GRM5: variants seen among roughly 807,000 people sequenced by gnomAD.
GRM5 encodes metabotropic glutamate receptor 5.
In GRM5, 19 loss-of-function variants were observed where a neutral mutation model predicts 83.1. The observed-to-expected ratio is 0.23, with a 90% CI of 0.16 to 0.34. The LOEUF is 0.34. GRM5 is among the 10% of genes least tolerant of loss of function. The pLI, the probability that GRM5 is intolerant of heterozygous loss-of-function variation, is 1.00. For synonymous variants in GRM5, 675 were observed against 633.6 expected (o/e 1.07, Z -0.98); for missense variants, 1,160 against 1,588.3 (o/e 0.73, Z 4.58).
intron 3 of GRM5, among the ~76,000 whole-genome samples, chr11:88,700,073 A>G (rs1158624149): frequency 6.6e-6 from 1 of 152,156 alleles, no homozygotes; most frequent in Non-Finnish European, 1.5e-5. Flanking sequence ...AAGTGGCCCA[A>G]AGTGAATAAG....
At chr11:88,607,439 G>C (rs1413368738) in intron 4 of GRM5, among the ~76,000 whole-genome samples, 2 of 152,108 alleles carry the variant, frequency 1.3e-5, no homozygotes, top group Admixed American at 6.5e-5. Context: ...CTAGATTACA[G>C]CAATAGTCTT....
intron 2 of GRM5, among the ~76,000 whole-genome samples, chr11:88,884,694 A>G (rs780535588): frequency 3.3e-5 from 5 of 152,140 alleles, no homozygotes; most frequent in Non-Finnish European, 7.4e-5. Flanking sequence ...TAACTGAATG[A>G]TGAGGGTGGG....
chr11:88,563,837 A>C (rs1385624522), intron 8 of GRM5, among the ~76,000 whole-genome samples: 1 of 152,218 alleles, frequency 6.6e-6, no homozygotes, highest in African/African-American at 2.4e-5. Context: ...CATAAAAGTA[A>C]TTATCAAATG....
chr11:88,608,458 G>C (rs765994835), intron 4 of GRM5, among the ~76,000 whole-genome samples: 1 of 149,322 alleles, frequency 6.7e-6, no homozygotes, highest in Non-Finnish European at 1.5e-5. Flanking sequence ...TTATTATCTT[G>C]CTTATTGGCT....
At chr11:88,953,053 A>C (rs1386188741) in intron 2 of GRM5, among the ~76,000 whole-genome samples, 1 of 152,204 alleles carries the variant, frequency 6.6e-6, no homozygotes, top group Non-Finnish European at 1.5e-5. Context: ...TGAAGAAAGC[A>C]ATCATGTTTC....
intron 3 of GRM5, among the ~76,000 whole-genome samples, chr11:88,829,499 C>T (rs1364110088): frequency 1.3e-5 from 2 of 151,558 alleles, no homozygotes; most frequent in Non-Finnish European, 2.9e-5. Context: ...TATGCTGCTA[C>T]AAAAGAAAGA....
chr11:88,775,953 G>C (rs1942838573), intron 3 of GRM5, among the ~76,000 whole-genome samples: 1 of 152,154 alleles, frequency 6.6e-6, no homozygotes, highest in Non-Finnish European at 1.5e-5. Flanking sequence ...ATGTCTATTA[G>C]GTCTGCTTGT....
intron 3 of GRM5, among the ~76,000 whole-genome samples, chr11:88,743,748 G>A (rs982852258): frequency 5.9e-5 from 9 of 152,048 alleles, no homozygotes; most frequent in Admixed American, 3.9e-4. Context: ...ACATTGCATC[G>A]TATCAGAAAC....
intron 3 of GRM5, among the ~76,000 whole-genome samples, chr11:88,831,598 G>T (rs1192231600): frequency 6.6e-6 from 1 of 152,104 alleles, no homozygotes; most frequent in Non-Finnish European, 1.5e-5. Context: ...ATGTCACTTG[G>T]CATCTGGGAG....
chr11:88,827,892 T>A (rs532554541), intron 3 of GRM5, among the ~76,000 whole-genome samples: 1 of 152,294 alleles, frequency 6.6e-6, no homozygotes, highest in African/African-American at 2.4e-5. Flanking sequence ...TATAAGGCAA[T>A]ACATATTATT....
At chr11:88,716,580 A>T (rs1941404933) in intron 3 of GRM5, among the ~76,000 whole-genome samples, 1 of 151,926 alleles carries the variant, frequency 6.6e-6, no homozygotes, top group Non-Finnish European at 1.5e-5. Context: ...CAATGTTAAG[A>T]TACAAATATA....
intron 3 of GRM5, among the ~76,000 whole-genome samples, chr11:88,742,614 G>A (rs1942051873): frequency 6.6e-6 from 1 of 152,100 alleles, no homozygotes; most frequent in Non-Finnish European, 1.5e-5. Flanking sequence ...TTTCTGTGAA[G>A]AGCCTATGAG....
chr11:88,577,467 C>A (rs1369507261), intron 7 of GRM5, among the ~76,000 whole-genome samples: 1 of 152,084 alleles, frequency 6.6e-6, no homozygotes, highest in East Asian at 1.9e-4. Context: ...GCACCTACAC[C>A]ATTCATACCA....
intron 2 of GRM5, among the ~76,000 whole-genome samples, chr11:88,994,858 T>C (rs918974008): frequency 6.6e-6 from 1 of 152,120 alleles, no homozygotes; most frequent in Non-Finnish European, 1.5e-5. Context: ...GTTTTAGTTA[T>C]CTTAATTGTT....
intron 3 of GRM5, among the ~76,000 whole-genome samples, chr11:88,686,276 G>C (rs929271214): frequency 1.3e-5 from 2 of 152,124 alleles, no homozygotes; most frequent in African/African-American, 4.8e-5. Context: ...CATCGGCCCT[G>C]TAACCACTTT....
intron 3 of GRM5, among the ~76,000 whole-genome samples, chr11:88,828,278 G>A (rs1943927408): frequency 6.6e-6 from 1 of 152,040 alleles, no homozygotes; most frequent in Admixed American, 6.6e-5. Context: ...TGTTAGAGGA[G>A]AAAAAAGATA....
At chr11:88,524,493 C>T (rs549076886) in intron 9 of GRM5, among the ~76,000 whole-genome samples, 2 of 151,760 alleles carry the variant, frequency 1.3e-5, no homozygotes, top group South Asian at 4.2e-4. Context: ...GTTGGGATTA[C>T]AGGCGTGAGC....
At chr11:88,574,553 G>A (rs547341122) in intron 7 of GRM5, among the ~76,000 whole-genome samples, 2 of 152,234 alleles carry the variant, frequency 1.3e-5, no homozygotes, top group East Asian at 3.9e-4. Context: ...TGGATCACAA[G>A]GTCAGGAGTT....
intron 4 of GRM5, among the ~76,000 whole-genome samples, chr11:88,617,144 A>G (rs535190342): frequency 6.6e-6 from 1 of 152,312 alleles, no homozygotes; most frequent in African/African-American, 2.4e-5. Flanking sequence ...AGCAATGCCA[A>G]TTTACAGCAG....
Sources: allele counts gnomAD v4.1 joint callset (sites outside exome capture counted in the v4.1 genomes callset), GRCh38; gene constraint gnomAD v4.1.1; transcripts MANE v1.5; gene names NCBI Gene and HGNC (gene_info 2026-07-23, HGNC 2026-07-21).